ADAM23: variants seen among roughly 807,000 people sequenced by gnomAD.
ADAM23 encodes the protein ADAM metallopeptidase domain 23.
ADAM23 carries 33 observed loss-of-function variants against 120.1 expected under a neutral mutation model. The ratio of observed to expected loss-of-function variants is 0.27; its 90% CI spans 0.21 to 0.37. The LOEUF (loss-of-function observed/expected upper bound fraction) is 0.37. Ranked by LOEUF, ADAM23 falls within the 10% of genes least tolerant of loss-of-function variation. ADAM23 has a pLI of 1.00. For synonymous variants in ADAM23, 367 were observed against 375.2 expected (o/e 0.98, Z 0.25); for missense variants, 862 against 1,058.2 (o/e 0.81, Z 2.57).
At chr2:206,585,754 G>A (rs1698309471) in intron 18 of ADAM23, among the ~76,000 whole-genome samples, 1 of 151,818 alleles carries the variant, frequency 6.6e-6, no homozygotes, top group Non-Finnish European at 1.5e-5. Flanking sequence ...CATTATGATG[G>A]GGCAACAATG....
chr2:206,591,274 T>C lies in ADAM23; in HGVS notation c.1959-1343T>C, dbSNP rs80256511. 5.5e-3 allele frequency among the ~76,000 whole-genome samples: 835 copies of C among 152,258 alleles called. 7 individuals carry two copies. The highest frequency in any genetic ancestry group is 0.019 in the African/African-American group (791 of 41,538). ...AACTCCCATGTCACTCCTACATGGG[T>C]CAAGAAATAAAACATTGCAGCATCC... On this transcript the variant is annotated intron_variant, in intron 21 of 25. Coordinates refer to ENST00000264377, the MANE Select transcript of ADAM23 (RefSeq NM_003812.4).
At chr2:206,572,934 A>G (rs1306152985) in intron 17 of ADAM23, among the ~76,000 whole-genome samples, 181 bp from the exon 18 acceptor site, 2 of 152,172 alleles carry the variant, frequency 1.3e-5, no homozygotes, top group East Asian at 1.9e-4. Context: ...TCTTTAGTGT[A>G]GAGGGTAGCA....
chr2:206,483,361 G>T (rs769430459), intron 3 of ADAM23, among the ~76,000 whole-genome samples: 3 of 152,130 alleles, frequency 2.0e-5, no homozygotes, highest in Non-Finnish European at 2.9e-5. Context: ...GATTTGAGGG[G>T]CTTTGGGACA....
chr2:206,454,369 C>T (rs1386175199), intron 2 of ADAM23, among the ~76,000 whole-genome samples: 2 of 152,154 alleles, frequency 1.3e-5, no homozygotes, highest in Admixed American at 6.5e-5. Context: ...ATGGGGCAGT[C>T]TGTCCCCATG....
At chr2:206,566,036 A>G (rs1300596105) in intron 14 of ADAM23, among the ~76,000 whole-genome samples, 1 of 152,074 alleles carries the variant, frequency 6.6e-6, no homozygotes, top group Non-Finnish European at 1.5e-5. Flanking sequence ...CTATTACTCC[A>G]TAGCTTAGTA....
intron 3 of ADAM23, among the ~76,000 whole-genome samples, chr2:206,493,506 G>T (rs1414006536): frequency 1.3e-5 from 2 of 152,134 alleles, no homozygotes; most frequent in Non-Finnish European, 2.9e-5. Flanking sequence ...CCAGGTAGCT[G>T]GGATTACAGG....
intron 4 of ADAM23, among the ~76,000 whole-genome samples, chr2:206,535,080 C>T (rs1182062065): frequency 6.6e-6 from 1 of 151,886 alleles, no homozygotes; most frequent in Non-Finnish European, 1.5e-5. Context: ...GTTAGGTTGT[C>T]CCACATTGTC....
chr2:206,546,256 T>C (rs1697394245), intron 6 of ADAM23, among the ~76,000 whole-genome samples: 1 of 152,210 alleles, frequency 6.6e-6, no homozygotes, highest in Non-Finnish European at 1.5e-5. Context: ...TTTTAAATTG[T>C]GTTGCTGATC....
At chr2:206,575,996 A>G (rs1698105444) in intron 18 of ADAM23, among the ~76,000 whole-genome samples, 1 of 152,182 alleles carries the variant, frequency 6.6e-6, no homozygotes, top group African/African-American at 2.4e-5. Flanking sequence ...GTGTTGATAT[A>G]TATTATTTGA....
At position 206,554,063 on chromosome 2, in the gene ADAM23, A is replaced by G. The variant is rs1441778147; in HGVS notation, c.934-3364A>G. On this transcript the variant is annotated intron_variant, in intron 9 of 25. Transcript: ENST00000264377. Reference sequence around the variant, plus strand: ...GTTTTGTTATAAATGGTGATTGCATATTTTTCTTTATATGCAAAATTAGTT... The same window carrying G: ...GTTTTGTTATAAATGGTGATTGCATGTTTTTCTTTATATGCAAAATTAGTT... Among the ~76,000 whole-genome samples the G allele has an allele frequency of 2.0e-5, 3 of 152,208 alleles. No homozygotes were observed. The East Asian group carries it at 5.8e-4, about 29-fold the overall frequency.
At chr2:206,559,292 T>C (rs1028316165) in intron 10 of ADAM23, among the ~76,000 whole-genome samples, 4 of 152,158 alleles carry the variant, frequency 2.6e-5, no homozygotes, top group African/African-American at 4.8e-5. Flanking sequence ...ACAGCATTCA[T>C]TGAAGTTGCT....
At position 206,588,126 on chromosome 2, in the gene ADAM23, C is replaced by A. The variant is rs779393835; in HGVS notation, c.1824C>A (p.Asp608Glu). Residue 608 changes from aspartate (D) to glutamate (E), a missense_variant, in exon 20 of 26, where the codon GAC (aspartate) becomes GAA (glutamate). Around this residue, in one of 4 missense-constraint regions of ADAM23, gnomAD observed 617 missense variants for 813.5 expected, o/e 0.76. Coordinates refer to ENST00000264377, the MANE Select transcript of ADAM23 (RefSeq NM_003812.4). ...ACAATGGCGAGTGCAAGACCAGAGA[C>A]AACCAGTGTCAGTACATCTGGGGAA... ...RCYNGECKTR[D>E]NQCQYIWGTK... 3.0e-5 allele frequency: 49 copies of A among 1,614,012 alleles called. 1 individual carries two copies. The highest frequency in any genetic ancestry group is 3.9e-5 in the Non-Finnish European group (46 of 1,179,978).
At chr2:206,564,834 T>G (rs1318532795) in intron 13 of ADAM23, among the ~76,000 whole-genome samples, 186 bp from the exon 14 acceptor site, 2 of 152,210 alleles carry the variant, frequency 1.3e-5, no homozygotes, top group Non-Finnish European at 2.9e-5. Context: ...AACCTATAAT[T>G]CTGGAAAGGA....
chr2:206,527,458 A>G (rs139193868), intron 3 of ADAM23, among the ~76,000 whole-genome samples: 1 of 152,338 alleles, frequency 6.6e-6, no homozygotes, highest in Non-Finnish European at 1.5e-5. Context: ...ATCATCAAAA[A>G]TTACATTTCA....
At chr2:206,595,948 A>C (rs2105852177) in intron 23 of ADAM23, 103 bp from the exon 24 acceptor site, 1 of 840,566 alleles carries the variant, frequency 1.2e-6, no homozygotes, top group East Asian at 2.7e-5. Context: ...AATTCCAAAT[A>C]GCTTTTAAAG....
At chr2:206,574,763 ATCT>A (rs1377365421) in intron 18 of ADAM23, among the ~76,000 whole-genome samples, 4 of 152,122 alleles carry the variant, frequency 2.6e-5, no homozygotes, top group African/African-American at 4.8e-5. Context: ...GTTTGGCATG[ATCT>A]TCTTCCCATT....
At position 206,557,516 on chromosome 2, in the gene ADAM23, C is replaced by T. The variant is rs181939543; in HGVS notation, c.1005+18C>T. ...TGGATTCTGTAAGTATCCTGGTTTTCTTGAATTTGTGTGCCAAGATGGAAT... is the reference window on the plus strand; with the variant it reads ...TGGATTCTGTAAGTATCCTGGTTTTTTTGAATTTGTGTGCCAAGATGGAAT... On this transcript the variant is annotated intron_variant, in intron 10 of 25. Transcript: ENST00000264377. 11 of 1,596,198 alleles carry T rather than the reference C, an allele frequency of 6.9e-6. No individual in the cohort carries two copies. In the African/African-American group the frequency reaches 1.5e-4, roughly 21 times the overall value.
intron 3 of ADAM23, among the ~76,000 whole-genome samples, chr2:206,525,893 T>A (rs1696934955): frequency 6.6e-6 from 1 of 152,120 alleles, no homozygotes; most frequent in East Asian, 1.9e-4. Context: ...TCTGGCTGGT[T>A]CTTTGTTTAA....
intron 2 of ADAM23, among the ~76,000 whole-genome samples, chr2:206,458,692 C>T (rs901009297): frequency 2.0e-5 from 3 of 152,206 alleles, no homozygotes; most frequent in Middle Eastern, 3.4e-3. Flanking sequence ...ATGGTATGGC[C>T]CCAAATACTC....
Sources: gnomAD v4.1 joint callset for allele counts (sites outside exome capture counted in the v4.1 genomes callset) on GRCh38, gnomAD v4.1.1 for gene constraint, gnomAD v4.1.1 regional missense constraint, MANE v1.5 for transcripts, NCBI Gene and HGNC (gene_info 2026-07-23, HGNC 2026-07-21) for gene names.